The following MEGF9 variants were observed in gnomAD, a reference collection of about 807,000 sequenced individuals.
The protein encoded by MEGF9 is multiple EGF like domains 9.
In MEGF9, 6 loss-of-function variants were observed where a neutral mutation model predicts 46.8. The observed-to-expected ratio is 0.13, with a 90% CI of 0.07 to 0.25. The LOEUF (loss-of-function observed/expected upper bound fraction) is 0.25, where lower values mean the gene tolerates loss of function less well. Ranked by LOEUF, MEGF9 falls within the 10% of genes least tolerant of loss-of-function variation. The probability of loss-of-function intolerance (pLI) is 1.00; values close to 1 mark genes in which losing one functional copy is unlikely to be tolerated. For synonymous variants in MEGF9, 302 were observed against 330.7 expected (o/e 0.91, Z 0.94); for missense variants, 683 against 792.4 (o/e 0.86, Z 1.66).
intron 1 of MEGF9, among the ~76,000 whole-genome samples, chr9:120,677,117 G>A (rs540445857): frequency 6.8e-3 from 57 of 8,348 alleles, no homozygotes; most frequent in South Asian, 0.02. Context: ...TTTTCTTTTC[G>A]TGTGTGTGAG....
rs550831437 is a variant in MEGF9 at position 120,702,579 on chromosome 9, ATAATG to A, written c.601+11174_601+11178del. ...CCTCATATGTATATTGCTGCTTAAT[ATAATG>A]TAAACATTTTAATGTAAGTTCATAA... is the stretch of plus-strand genomic sequence containing the variant. On this transcript the variant is annotated intron_variant, in intron 1 of 5. Coordinates refer to ENST00000373930, the MANE Select transcript of MEGF9 (RefSeq NM_001080497.3). Among the ~76,000 whole-genome samples the A allele has an allele frequency of 1.6e-4, 25 of 152,366 alleles. No homozygotes were observed. The East Asian group carries it at 3.7e-3, about 22-fold the overall frequency.
chr9:120,682,338 C>T (rs1431815166), intron 1 of MEGF9, among the ~76,000 whole-genome samples: 1 of 152,084 alleles, frequency 6.6e-6, no homozygotes, highest in Non-Finnish European at 1.5e-5. Flanking sequence ...CCTTACTGTC[C>T]CTGTTTACAG....
intron 3 of MEGF9, among the ~76,000 whole-genome samples, chr9:120,617,720 G>A (rs957706082): frequency 1.3e-5 from 2 of 152,318 alleles, no homozygotes; most frequent in Admixed American, 1.3e-4. Flanking sequence ...AGGGAGAGAA[G>A]AGAGGAGGCT....
rs764032008 is a variant in MEGF9, at chr9:120,713,996, G to A, written c.363C>T (p.Gly121=). 8.7e-6 allele frequency: 12 copies of A among 1,386,264 alleles called. No individual in the cohort carries two copies. The highest frequency in any genetic ancestry group is 2.8e-5 in the East Asian group (1 of 36,188). 85.9% of individuals were successfully genotyped at this position (1,386,264 alleles called of 1,614,324 possible). ...PSSTTFQAPL[G]PSPTTPPAAE... is the part of the protein sequence containing the mutation. ...CCGCCGGAGGGGTGGTCGGCGAGGG[G>A]CCGAGCGGCGCCTGAAAGGTGGTGG... The change falls in exon 1 of 6, where the codon GGC becomes GGT. Residue 121 remains glycine, a synonymous_variant. Transcript: ENST00000373930.
chr9:120,612,579 C>T lies in MEGF9; in HGVS notation c.944-40G>A, dbSNP rs765416459. The T allele has an allele frequency of 4.5e-6, 7 of 1,552,958 alleles. No homozygotes were observed. The Admixed American group carries it at 6.1e-5, about 14-fold the overall frequency. On this transcript the variant is annotated intron_variant, in intron 3 of 5. Transcript: ENST00000373930. Reference sequence around the variant, plus strand: ...TTATTTTTAAAAGTTAAAGATTTACCTTGAAAGCCAAGTAACTTTCAAAAA... The same window carrying T: ...TTATTTTTAAAAGTTAAAGATTTACTTTGAAAGCCAAGTAACTTTCAAAAA...
chr9:120,677,168 G>A (rs1453693293), intron 1 of MEGF9, among the ~76,000 whole-genome samples: 2 of 151,686 alleles, frequency 1.3e-5, no homozygotes, highest in African/African-American at 2.4e-5. Flanking sequence ...TCCCTCGGTC[G>A]CCCAGGATGG....
chr9:120,713,092 G>A (rs563073806), intron 1 of MEGF9, among the ~76,000 whole-genome samples: 1 of 152,294 alleles, frequency 6.6e-6, no homozygotes, highest in African/African-American at 2.4e-5. Flanking sequence ...AATGGTGCGA[G>A]GAAGAGATTT....
intron 1 of MEGF9, among the ~76,000 whole-genome samples, chr9:120,694,116 G>A (rs1253840167): frequency 1.3e-5 from 2 of 152,062 alleles, no homozygotes; most frequent in Admixed American, 1.3e-4. Flanking sequence ...AAGGTGGCAG[G>A]GGCAAAAGAT....
At chr9:120,650,295 C>T (rs941086799) in intron 2 of MEGF9, among the ~76,000 whole-genome samples, 3 of 152,210 alleles carry the variant, frequency 2.0e-5, no homozygotes, top group Admixed American at 1.3e-4. Context: ...CTGAGATTCA[C>T]GCATTCACTA....
intron 2 of MEGF9, among the ~76,000 whole-genome samples, chr9:120,634,450 T>A (rs959299781): frequency 3.1e-5 from 2 of 65,530 alleles, no homozygotes; most frequent in Non-Finnish European, 6.7e-5. Flanking sequence ...GAATATCTTT[T>A]TTTTTTTTTT....
At chr9:120,693,849 T>C (rs147770185) in intron 1 of MEGF9, among the ~76,000 whole-genome samples, 1 of 152,202 alleles carries the variant, frequency 6.6e-6, no homozygotes, top group East Asian at 1.9e-4. Context: ...AATGTATAAC[T>C]TTACTCATCT....
rs751490624 is a variant in MEGF9 at position 120,644,833 on chromosome 9, CAGAA to C, written c.803+14537_803+14540del. On this transcript the variant is annotated intron_variant, in intron 2 of 5. Coordinates refer to ENST00000373930, the MANE Select transcript of MEGF9 (RefSeq NM_001080497.3). ...GTCAAGTTGTGTGGTATTTTTGTCT[CAGAA>C]GGAAGTCAAACTACAGACAGGAAAA... Among the ~76,000 whole-genome samples the C allele has an allele frequency of 7.9e-5, 12 of 152,242 alleles. No homozygotes were observed. The East Asian group carries it at 1.9e-3, about 24-fold the overall frequency.
chr9:120,705,954 A>C (rs2043927342), intron 1 of MEGF9, among the ~76,000 whole-genome samples: 2 of 152,172 alleles, frequency 1.3e-5, no homozygotes, highest in African/African-American at 4.8e-5. Flanking sequence ...TAAAGGAAAA[A>C]GCAAGGATTA....
chr9:120,650,843 T>A (rs900367647), intron 2 of MEGF9, among the ~76,000 whole-genome samples: 2 of 151,798 alleles, frequency 1.3e-5, no homozygotes, highest in Non-Finnish European at 2.9e-5. Context: ...TCCTGATAGG[T>A]CTTCTCATCT....
intron 1 of MEGF9, among the ~76,000 whole-genome samples, chr9:120,689,472 A>G (rs954461566): frequency 6.6e-6 from 1 of 152,182 alleles, no homozygotes; most frequent in Non-Finnish European, 1.5e-5. Flanking sequence ...TCTTAGAAAC[A>G]TAATTCTGGC....
At chr9:120,707,893 A>C (rs964239345) in intron 1 of MEGF9, among the ~76,000 whole-genome samples, 8 of 152,210 alleles carry the variant, frequency 5.3e-5, no homozygotes, top group Admixed American at 4.6e-4. Flanking sequence ...AAATACAAGA[A>C]AGTTAGCTGG....
At chr9:120,621,198 T>C (rs963787622) in intron 3 of MEGF9, among the ~76,000 whole-genome samples, 1 of 152,248 alleles carries the variant, frequency 6.6e-6, no homozygotes, top group African/African-American at 2.4e-5. Context: ...TCTGAATCTG[T>C]CGGTTGACAC....
chr9:120,696,598 C>T lies in MEGF9; in HGVS notation c.601+17160G>A, dbSNP rs1291090062. The stretch of plus-strand genomic sequence containing the variant: ...TATTAATAATGATAATGAAAATAAG[C>T]ATAGTATTTGAAGGAAAATATAAGC... On this transcript the variant is annotated intron_variant, in intron 1 of 5. Coordinates refer to ENST00000373930, the MANE Select transcript of MEGF9 (RefSeq NM_001080497.3). Among the ~76,000 whole-genome samples the T allele has an allele frequency of 2.6e-5, 4 of 152,036 alleles. No individual in the cohort carries two copies. In the East Asian group the frequency reaches 7.7e-4, roughly 29 times the overall value.
intron 1 of MEGF9, among the ~76,000 whole-genome samples, chr9:120,706,624 C>T (rs1236033076): frequency 6.6e-6 from 1 of 152,186 alleles, no homozygotes; most frequent in Non-Finnish European, 1.5e-5. Context: ...TACTTGAGTT[C>T]AGGAGTTCGA....
Sources: allele counts gnomAD v4.1 joint callset (sites outside exome capture counted in the v4.1 genomes callset), GRCh38; gene constraint gnomAD v4.1.1; transcripts MANE v1.5; gene names NCBI Gene and HGNC (gene_info 2026-07-23, HGNC 2026-07-21).